UNC5D: variants seen among roughly 807,000 people sequenced by gnomAD.
The protein encoded by UNC5D is netrin receptor UNC5D.
UNC5D carries 39 observed loss-of-function variants against 105.4 expected under a neutral mutation model. The ratio of observed to expected loss-of-function variants is 0.37; its 90% CI spans 0.29 to 0.48. The LOEUF is 0.48. Among genes scored for constraint, UNC5D ranks in the 20% least tolerant of loss-of-function variants. The pLI is 0.98. For missense variants in UNC5D, 991 were observed against 1,202.4 expected (o/e 0.82, Z 2.60); for synonymous variants, 452 against 450.4 (o/e 1.00, Z -0.04).
At chr8:35,325,716 A>C (rs1810098790) in intron 1 of UNC5D, among the ~76,000 whole-genome samples, 1 of 152,154 alleles carries the variant, frequency 6.6e-6, no homozygotes, top group African/African-American at 2.4e-5. Flanking sequence ...AAATCAAAAG[A>C]CTTCAAGGAA....
chr8:35,343,098 G>T (rs1478154968), intron 1 of UNC5D, among the ~76,000 whole-genome samples: 1 of 152,052 alleles, frequency 6.6e-6, no homozygotes, highest in East Asian at 1.9e-4. Context: ...GTTCTGACAA[G>T]TTCCTAGGTG....
chr8:35,605,454 A>C lies in UNC5D; in HGVS notation c.570+9797A>C, dbSNP rs934428029. ...CCGTATGAGGTGTCAGTCCACCCCT[A>C]CTGGGGGTTGCCTCTCAGTTAGGCT... On this transcript the variant is annotated intron_variant, in intron 4 of 16. Transcript: ENST00000404895. 3.3e-5 allele frequency among the ~76,000 whole-genome samples: 5 copies of C among 152,174 alleles called. 1 individual carries two copies. The South Asian group carries it at 6.2e-4, about 19-fold the overall frequency.
At chr8:35,565,762 C>A (rs936324840) in intron 2 of UNC5D, among the ~76,000 whole-genome samples, 31 of 152,256 alleles carry the variant, frequency 2.0e-4, no homozygotes, top group Admixed American at 1.9e-3. Context: ...TGAGAGGGAT[C>A]CAGTTTCATT....
chr8:35,241,606 G>T (rs1802809728), intron 1 of UNC5D, among the ~76,000 whole-genome samples: 1 of 151,446 alleles, frequency 6.6e-6, no homozygotes, highest in Non-Finnish European at 1.5e-5. Context: ...ATAAAATGAG[G>T]TCAGTATTCT....
chr8:35,438,923 A>G (rs1807212652), intron 1 of UNC5D, among the ~76,000 whole-genome samples: 1 of 152,066 alleles, frequency 6.6e-6, no homozygotes, highest in Non-Finnish European at 1.5e-5. Context: ...AAGGGACTGC[A>G]AGGCTAAGCA....
At chr8:35,261,952 AT>A (rs1386809352) in intron 1 of UNC5D, among the ~76,000 whole-genome samples, 1 of 152,170 alleles carries the variant, frequency 6.6e-6, no homozygotes, top group Non-Finnish European at 1.5e-5. Flanking sequence ...CTGGCAAAAA[AT>A]AAAAGTGGGT....
chr8:35,766,357 G>A (rs570832242), intron 14 of UNC5D, among the ~76,000 whole-genome samples: 1 of 152,084 alleles, frequency 6.6e-6, no homozygotes, highest in East Asian at 1.9e-4. Flanking sequence ...CTGGCTGTGT[G>A]TATATGTGTG....
chr8:35,745,429 C>T (rs116370140), intron 11 of UNC5D, among the ~76,000 whole-genome samples: 5,935 of 152,172 alleles, frequency 0.039, 277 homozygotes, highest in African/African-American at 0.11. Flanking sequence ...GGGGGACAGG[C>T]TGTGAAAGGC....
At chr8:35,256,972 T>TTTTGTTTTTTTTTTTTTTTTTTTTTTTG (rs1804123716) in intron 1 of UNC5D, among the ~76,000 whole-genome samples, 1 of 150,174 alleles carries the variant, frequency 6.7e-6, no homozygotes, top group African/African-American at 2.5e-5. Context: ...TTTTTTTTTT[T>TTTTGTTTTTTTTTTTTTTTTTTTTTTTG]TTTGTTTTTT....
chr8:35,383,940 G>A (rs1393366924), intron 1 of UNC5D, among the ~76,000 whole-genome samples: 1 of 151,788 alleles, frequency 6.6e-6, no homozygotes, highest in African/African-American at 2.4e-5. Context: ...TAAGAGGCTG[G>A]GCGCGGTGGC....
chr8:35,347,530 T>A (rs1468308571), intron 1 of UNC5D, among the ~76,000 whole-genome samples: 1 of 152,010 alleles, frequency 6.6e-6, no homozygotes, highest in Non-Finnish European at 1.5e-5. Flanking sequence ...ATAGCCATAA[T>A]TGCAAAACCA....
At chr8:35,414,223 A>G (rs1216182078) in intron 1 of UNC5D, among the ~76,000 whole-genome samples, 1 of 152,178 alleles carries the variant, frequency 6.6e-6, no homozygotes, top group East Asian at 1.9e-4. Flanking sequence ...TTGTGATTAC[A>G]AAGTTCCTCA....
intron 1 of UNC5D, among the ~76,000 whole-genome samples, chr8:35,490,632 T>C (rs1811153648): frequency 6.6e-6 from 1 of 152,172 alleles, no homozygotes; most frequent in African/African-American, 2.4e-5. Flanking sequence ...TCTTTGATGG[T>C]AATATATTTA....
At chr8:35,254,033 T>C (rs764623658) in intron 1 of UNC5D, among the ~76,000 whole-genome samples, 69 of 152,204 alleles carry the variant, frequency 4.5e-4, no homozygotes, top group Non-Finnish European at 3.5e-4. Flanking sequence ...CTCGAAACTG[T>C]CCCACAATTT....
chr8:35,337,772 CAG>C (rs1554511996), intron 1 of UNC5D, among the ~76,000 whole-genome samples: 1 of 149,758 alleles, frequency 6.7e-6, no homozygotes, highest in Non-Finnish European at 1.5e-5. Flanking sequence ...AAAAAAAAAA[CAG>C]ATAGCCAAGG....
In UNC5D at chr8:35,726,146, T is replaced by A. The variant is rs1828850428; in HGVS notation, c.1304-6T>A. Reference sequence around the variant, plus strand: ...TCTGAGTGACAGATCAATTTTCTTTTACCAGGTAACTCCCTGCTCCTGAAT... The same window carrying A: ...TCTGAGTGACAGATCAATTTTCTTTAACCAGGTAACTCCCTGCTCCTGAAT... On this transcript the variant is annotated splice_polypyrimidine_tract_variant and splice_region_variant and intron_variant, in intron 9 of 16. Transcript: ENST00000404895. 6.3e-7 allele frequency: 1 copy of A among 1,599,896 alleles called. No individual in the cohort carries two copies. Among genetic ancestry groups the A allele is most frequent in the East Asian group, 2.2e-5 (1 of 44,572 alleles).
chr8:35,589,523 A>G (rs901295215), intron 3 of UNC5D, among the ~76,000 whole-genome samples: 4 of 151,958 alleles, frequency 2.6e-5, no homozygotes, highest in Admixed American at 6.6e-5. Context: ...TTACCTATTT[A>G]AAGTGTACAA....
At chr8:35,260,824 CT>C (rs1274562792) in intron 1 of UNC5D, among the ~76,000 whole-genome samples, 5 of 152,128 alleles carry the variant, frequency 3.3e-5, no homozygotes, top group African/African-American at 1.2e-4. Flanking sequence ...AAAACGTTGT[CT>C]TTTTTGGGTA....
At chr8:35,489,009 A>T (rs914534406) in intron 1 of UNC5D, among the ~76,000 whole-genome samples, 200 of 143,278 alleles carry the variant, frequency 1.4e-3, no homozygotes, top group African/African-American at 4.7e-3. Context: ...TCTCCCCCCA[A>T]TTTTTTTTTT....
Sources: allele counts gnomAD v4.1 joint callset (sites outside exome capture counted in the v4.1 genomes callset), GRCh38; gene constraint gnomAD v4.1.1; transcripts MANE v1.5; gene names NCBI Gene and HGNC (gene_info 2026-07-23, HGNC 2026-07-21).